Variants in FSHR observed in about 807,000 individuals in gnomAD.
The protein encoded by FSHR is follicle-stimulating hormone receptor.
FSHR carries 46 observed loss-of-function variants against 52.1 expected under a neutral mutation model. The observed-to-expected ratio is 0.88, with a 90% CI of 0.70 to 1.13. The LOEUF is 1.13. Among genes scored for constraint, FSHR ranks in the 50% most tolerant of loss-of-function variants. The probability of loss-of-function intolerance (pLI) is 0.00; values close to 1 mark genes in which losing one functional copy is unlikely to be tolerated. For missense variants in FSHR, 964 were observed against 834.6 expected, an observed-to-expected ratio of 1.16 and a Z score of -1.91; for synonymous variants, 399 against 309.6, an observed-to-expected ratio of 1.29 and a Z score of -3.03.
chr2:49,039,751 G>A (rs1025642923), intron 2 of FSHR, among the ~76,000 whole-genome samples: 1 of 152,120 alleles, frequency 6.6e-6, no homozygotes, highest in East Asian at 1.9e-4. Context: ...ATATTTTGCA[G>A]GTATATAGTT....
chr2:48,995,253 A>G (rs1277380594), intron 4 of FSHR, among the ~76,000 whole-genome samples: 1 of 152,080 alleles, frequency 6.6e-6, no homozygotes. Context: ...GTGAGTTAAG[A>G]CTAGCACAGG....
At chr2:49,137,165 G>A (rs868830676) in intron 1 of FSHR, among the ~76,000 whole-genome samples, 2 of 151,988 alleles carry the variant, frequency 1.3e-5, no homozygotes, top group Non-Finnish European at 2.9e-5. Context: ...CAAGTCTCCA[G>A]AATACAAAAT....
chr2:49,021,863 C>CTCTCTCTCTATATATA (rs1467766420), intron 2 of FSHR, among the ~76,000 whole-genome samples: 2 of 49,864 alleles, frequency 4.0e-5, no homozygotes, highest in South Asian at 1.0e-3. Flanking sequence ...CTCTCTCTCT[C>CTCTCTCTCTATATATA]TATATATATA....
At chr2:49,017,605 G>A in intron 3 of FSHR, 42 bp from the exon 4 acceptor site, 2 of 1,406,688 alleles carry the variant, frequency 1.4e-6, no homozygotes, top group Non-Finnish European at 2.0e-6. Flanking sequence ...TTGATGGTAA[G>A]GAATGCTGTA....
chr2:49,067,969 G>C (rs1669569660), intron 2 of FSHR, among the ~76,000 whole-genome samples: 1 of 151,524 alleles, frequency 6.6e-6, no homozygotes, highest in African/African-American at 2.4e-5. Context: ...TACTCTGGGA[G>C]CAACCCCTTA....
chr2:49,115,369 C>T (rs558504424), intron 1 of FSHR, among the ~76,000 whole-genome samples: 2 of 152,010 alleles, frequency 1.3e-5, no homozygotes, highest in Non-Finnish European at 2.9e-5. Context: ...TATTGAACAC[C>T]TTCTATGGAG....
intron 4 of FSHR, among the ~76,000 whole-genome samples, chr2:49,017,235 T>C (rs1375738516): frequency 3.3e-5 from 5 of 152,336 alleles, no homozygotes; most frequent in Admixed American, 6.5e-5. Context: ...ACGAGGTCCA[T>C]GTGACCGTCC....
At chr2:49,089,457 G>A (rs1670518057) in intron 1 of FSHR, among the ~76,000 whole-genome samples, 1 of 152,166 alleles carries the variant, frequency 6.6e-6, no homozygotes, top group Non-Finnish European at 1.5e-5. Flanking sequence ...TAGAGGAAAG[G>A]CAGTTTGGCT....
chr2:48,977,997 G>C (rs548121111), intron 8 of FSHR, among the ~76,000 whole-genome samples: 12 of 152,174 alleles, frequency 7.9e-5, no homozygotes, highest in African/African-American at 2.9e-4. Context: ...TATTCAGATA[G>C]TGAGTAGTTT....
At chr2:49,049,940 C>A (rs538591010) in intron 2 of FSHR, among the ~76,000 whole-genome samples, 1 of 151,826 alleles carries the variant, frequency 6.6e-6, no homozygotes, top group Non-Finnish European at 1.5e-5. Context: ...CTGATCTGGG[C>A]AGTTCTTAGA....
At chr2:49,057,456 A>G (rs1239249123) in intron 2 of FSHR, among the ~76,000 whole-genome samples, 1 of 152,170 alleles carries the variant, frequency 6.6e-6, no homozygotes, top group Admixed American at 6.5e-5. Context: ...CTAGACAAAT[A>G]CAACCCACCA....
At chr2:48,990,753 A>G in intron 4 of FSHR, 116 bp from the exon 5 acceptor site, 1 of 757,184 alleles carries the variant, frequency 1.3e-6, no homozygotes, top group Non-Finnish European at 2.4e-6. Flanking sequence ...AAAATCTACG[A>G]GAAAAGCCCG....
intron 6 of FSHR, among the ~76,000 whole-genome samples, chr2:48,985,741 C>T (rs1675476770): frequency 9.8e-6 from 1 of 101,848 alleles, no homozygotes; most frequent in South Asian, 3.9e-4. Flanking sequence ...GAGTCTCGCT[C>T]TGTCGCCCAG....
chr2:49,135,375 A>G (rs1329521352), intron 1 of FSHR, among the ~76,000 whole-genome samples: 1 of 152,164 alleles, frequency 6.6e-6, no homozygotes, highest in Non-Finnish European at 1.5e-5. Context: ...ACAAATGGAT[A>G]CATTTTTTAA....
intron 1 of FSHR, among the ~76,000 whole-genome samples, chr2:49,070,183 G>A (rs1216714519): frequency 6.6e-6 from 1 of 152,062 alleles, no homozygotes; most frequent in African/African-American, 2.4e-5. Context: ...TGCTTTACAA[G>A]GATTAAGATG....
chr2:49,099,809 G>C (rs4971882), intron 1 of FSHR, among the ~76,000 whole-genome samples: 79,726 of 151,762 alleles, frequency 0.53, 21,413 homozygotes, highest in East Asian at 0.78. Flanking sequence ...CCTTAGAACC[G>C]TCAGGAGGAA....
intron 1 of FSHR, among the ~76,000 whole-genome samples, chr2:49,105,428 C>G (rs992700125): frequency 2.0e-5 from 3 of 152,078 alleles, no homozygotes; most frequent in Non-Finnish European, 4.4e-5. Flanking sequence ...TCCAAGGAAG[C>G]TTACTTTAAG....
intron 1 of FSHR, among the ~76,000 whole-genome samples, chr2:49,085,207 A>C (rs1014695818): frequency 7.2e-5 from 11 of 152,372 alleles, no homozygotes; most frequent in African/African-American, 2.6e-4. Context: ...AAATCAATAA[A>C]TGTAATCCAG....
chr2:49,104,729 C>A (rs1671162045), intron 1 of FSHR, among the ~76,000 whole-genome samples: 1 of 152,050 alleles, frequency 6.6e-6, no homozygotes, highest in Admixed American at 6.6e-5. Context: ...TCTTCTCTAT[C>A]TCTGATTGCC....
Sources: allele counts gnomAD v4.1 joint callset (sites outside exome capture counted in the v4.1 genomes callset), GRCh38; gene constraint gnomAD v4.1.1; transcripts MANE v1.5; gene names NCBI Gene and HGNC (gene_info 2026-07-23, HGNC 2026-07-21).